GTF2F2: variants seen among roughly 807,000 people sequenced by gnomAD.
GTF2F2 encodes ATP-dependent helicase GTF2F2.
GTF2F2 carries 23 observed loss-of-function variants against 42.2 expected under a neutral mutation model. The observed-to-expected ratio is 0.55, with a 90% CI of 0.39 to 0.77. The LOEUF (loss-of-function observed/expected upper bound fraction) is 0.77, where lower values mean the gene tolerates loss of function less well. Ranked by LOEUF, GTF2F2 falls within the 30% of genes least tolerant of loss-of-function variation. The pLI is 0.00. For missense variants in GTF2F2, 261 were observed against 287.2 expected (o/e 0.91, Z 0.66); for synonymous variants, 105 against 100.8 (o/e 1.04, Z -0.25).
rs1566162311 is a variant in GTF2F2 at position 45,284,629 on chromosome 13, T to C, written c.*1068T>C. On this transcript the variant is annotated 3_prime_UTR_variant, in exon 8 of 8. Coordinates refer to ENST00000340473, the MANE Select transcript of GTF2F2 (RefSeq NM_004128.3). ...CATTTTGTCATCTGCTTCTAGATGC[T>C]GCAATCAAGAAGTAGCAAATGCCCA... The C allele has an allele frequency of 6.6e-6, 1 of 152,042 alleles. No individual in the cohort carries two copies. 9.4% of individuals were successfully genotyped at this position (152,042 alleles called of 1,614,324 possible). A position where few individuals can be genotyped will look rare whatever the true frequency, so the allele number is the denominator to read the frequency against.
At chr13:45,242,478 A>G (rs937360329) in intron 5 of GTF2F2, among the ~76,000 whole-genome samples, 1 of 152,136 alleles carries the variant, frequency 6.6e-6, no homozygotes, top group Non-Finnish European at 1.5e-5. Flanking sequence ...CCTTTAAAAA[A>G]TAACAAATTG....
intron 5 of GTF2F2, among the ~76,000 whole-genome samples, chr13:45,249,374 ATT>A (rs200833719): frequency 1.6e-5 from 2 of 126,238 alleles, no homozygotes; most frequent in East Asian, 1.9e-4. Flanking sequence ...AAATGAGTTT[ATT>A]TTTAAAAAAA....
At chr13:45,267,537 A>G (rs1304149699) in intron 7 of GTF2F2, among the ~76,000 whole-genome samples, 161 bp downstream of exon 7, 2 of 152,216 alleles carry the variant, frequency 1.3e-5, no homozygotes, top group African/African-American at 2.4e-5. Context: ...ATTTTTGGTA[A>G]CATCAGCTTT....
At chr13:45,260,791 G>A (rs565893839) in intron 6 of GTF2F2, among the ~76,000 whole-genome samples, 3 of 152,124 alleles carry the variant, frequency 2.0e-5, no homozygotes, top group African/African-American at 7.2e-5. Context: ...AGGCTGAGGC[G>A]GGTGGATCAC....
At chr13:45,187,556 A>C (rs1032144935) in intron 4 of GTF2F2, among the ~76,000 whole-genome samples, 5 of 152,218 alleles carry the variant, frequency 3.3e-5, no homozygotes, top group Non-Finnish European at 7.3e-5. Context: ...TTTTAGATTC[A>C]TCTTAAATAT....
At chr13:45,212,507 C>CTCTTTCTTTCT (rs1566137206) in intron 5 of GTF2F2, among the ~76,000 whole-genome samples, 1 of 53,616 alleles carries the variant, frequency 1.9e-5, no homozygotes, top group African/African-American at 6.0e-5. Context: ...TTCTTTCTTT[C>CTCTTTCTTTCT]TTTTCTTTCT....
At chr13:45,159,178 A>T (rs947013195) in intron 4 of GTF2F2, among the ~76,000 whole-genome samples, 8 of 152,222 alleles carry the variant, frequency 5.3e-5, no homozygotes, top group Non-Finnish European at 8.8e-5. Context: ...GTAGGTATTT[A>T]CTTTCAAGCT....
intron 1 of GTF2F2, among the ~76,000 whole-genome samples, chr13:45,133,066 T>C (rs1381454839): frequency 6.6e-6 from 1 of 152,076 alleles, no homozygotes; most frequent in Non-Finnish European, 1.5e-5. Context: ...CACAGATAAA[T>C]TATAAATTAA....
chr13:45,148,535 T>C (rs528362002), intron 2 of GTF2F2, among the ~76,000 whole-genome samples: 1 of 152,318 alleles, frequency 6.6e-6, no homozygotes, highest in Admixed American at 6.5e-5. Flanking sequence ...CCTTTAAGGC[T>C]GAGCTCAGAG....
At chr13:45,182,883 G>A (rs1872232251) in intron 4 of GTF2F2, among the ~76,000 whole-genome samples, 1 of 152,040 alleles carries the variant, frequency 6.6e-6, no homozygotes, top group African/African-American at 2.4e-5. Context: ...ACAAGTCTCA[G>A]AAATGGATTC....
chr13:45,180,323 A>G (rs921436769), intron 4 of GTF2F2, among the ~76,000 whole-genome samples: 4 of 152,218 alleles, frequency 2.6e-5, no homozygotes, highest in African/African-American at 9.6e-5. Flanking sequence ...GGTGAGCTTT[A>G]AAAATATACG....
intron 4 of GTF2F2, among the ~76,000 whole-genome samples, chr13:45,191,977 G>A (rs74731576): frequency 0.012 from 1,812 of 152,068 alleles, 32 homozygotes; most frequent in African/African-American, 0.037. Flanking sequence ...TTTATTATCC[G>A]TAATGAAATC....
At chr13:45,140,922 T>A (rs1869898327) in intron 2 of GTF2F2, among the ~76,000 whole-genome samples, 1 of 152,228 alleles carries the variant, frequency 6.6e-6, no homozygotes, top group Non-Finnish European at 1.5e-5. Flanking sequence ...TAGTCCTGAA[T>A]GGCTGTTGAT....
At chr13:45,247,216 G>A (rs1244625717) in intron 5 of GTF2F2, among the ~76,000 whole-genome samples, 4 of 150,764 alleles carry the variant, frequency 2.7e-5, no homozygotes, top group African/African-American at 9.8e-5. Flanking sequence ...ATAAAAATCA[G>A]CCAGGTGTGG....
chr13:45,155,629 A>T (rs564209861), intron 4 of GTF2F2, among the ~76,000 whole-genome samples: 1 of 152,338 alleles, frequency 6.6e-6, no homozygotes, highest in African/African-American at 2.4e-5. Context: ...GCATGTCATC[A>T]ACATTTTATG....
chr13:45,220,428 A>T lies in GTF2F2; in HGVS notation c.386+12923A>T, dbSNP rs140604891. ...AACTAATAATTTAGGGTATTATTTTATGCTGTGTGAGAAATTGGCACAGGC... is the reference window on the plus strand; with the variant it reads ...AACTAATAATTTAGGGTATTATTTTTTGCTGTGTGAGAAATTGGCACAGGC... On this transcript the variant is annotated intron_variant, in intron 5 of 7. Coordinates refer to ENST00000340473, the MANE Select transcript of GTF2F2 (RefSeq NM_004128.3). Among the ~76,000 whole-genome samples, 978 of 152,316 alleles carry T rather than the reference A, an allele frequency of 6.4e-3. 11 individuals carry two copies. Among genetic ancestry groups the T allele is most frequent in the African/African-American group, 0.023 (940 of 41,564 alleles).
chr13:45,139,943 G>A (rs901082824), intron 2 of GTF2F2, among the ~76,000 whole-genome samples: 4 of 152,038 alleles, frequency 2.6e-5, no homozygotes, highest in Non-Finnish European at 5.9e-5. Context: ...CAGTATTTAC[G>A]TATAACCTAC....
At chr13:45,165,838 A>G (rs1476429628) in intron 4 of GTF2F2, among the ~76,000 whole-genome samples, 31 of 84,568 alleles carry the variant, frequency 3.7e-4, no homozygotes, top group Admixed American at 1.6e-3. Context: ...TTTGAGACGG[A>G]GTTTCAATCT....
chr13:45,213,674 CTT>C (rs147572898), intron 5 of GTF2F2, among the ~76,000 whole-genome samples: 1 of 148,858 alleles, frequency 6.7e-6, no homozygotes, highest in Non-Finnish European at 1.5e-5. Flanking sequence ...TCCTTCCTTT[CTT>C]TTTTTTTTGT....
Sources: allele counts gnomAD v4.1 joint callset (sites outside exome capture counted in the v4.1 genomes callset), GRCh38; gene constraint gnomAD v4.1.1; transcripts MANE v1.5; gene names NCBI Gene and HGNC (gene_info 2026-07-23, HGNC 2026-07-21).